CEP170: variants seen among roughly 807,000 people sequenced by gnomAD.
The protein encoded by CEP170 is centrosomal protein 170, also known as centrosomal protein of 170 kDa.
In CEP170, 21 loss-of-function variants were observed where a neutral mutation model predicts 151.9. That is an observed-to-expected ratio of 0.14 (90% CI 0.10 to 0.20). The LOEUF (loss-of-function observed/expected upper bound fraction) is 0.20, where lower values mean the gene tolerates loss of function less well. CEP170 is among the 10% of genes least tolerant of loss of function. The probability of loss-of-function intolerance (pLI) is 1.00; values close to 1 mark genes in which losing one functional copy is unlikely to be tolerated. For missense variants in CEP170, 964 were observed against 1,892.9 expected (o/e 0.51, Z 9.11); for synonymous variants, 356 against 648.8 (o/e 0.55, Z 6.86).
chr1:243,245,861 C>T (rs12749011), intron 1 of CEP170, among the ~76,000 whole-genome samples: 47,525 of 151,600 alleles, frequency 0.31, 7,760 homozygotes, highest in South Asian at 0.54. Context: ...GGAGAGGATC[C>T]CTTGAGCCCA....
chr1:243,178,063 C>T (rs1487843594), intron 10 of CEP170, among the ~76,000 whole-genome samples: 3 of 151,954 alleles, frequency 2.0e-5, no homozygotes, highest in African/African-American at 7.3e-5. Flanking sequence ...AGTGGTGGCT[C>T]GTGCCTGTAA....
chr1:243,144,899 C>G (rs2056285584), intron 14 of CEP170, among the ~76,000 whole-genome samples: 1 of 152,062 alleles, frequency 6.6e-6, no homozygotes, highest in African/African-American at 2.4e-5. Flanking sequence ...TATGTTTTCC[C>G]AAGTGTCAGA....
At chr1:243,167,144 T>C (rs963210441) in intron 12 of CEP170, among the ~76,000 whole-genome samples, 2 of 152,136 alleles carry the variant, frequency 1.3e-5, no homozygotes, top group African/African-American at 4.8e-5. Flanking sequence ...TTATTTTCTA[T>C]ATTTTCAACT....
rs182455379 is a variant in CEP170 at position 243,166,434 on chromosome 1, C to G, written c.1844-318G>C. 1.6e-5 allele frequency: 4 copies of G among 254,676 alleles called. No homozygotes were observed. In the Admixed American group the frequency reaches 1.9e-4, roughly 12 times the overall value. 15.8% of individuals were successfully genotyped at this position (254,676 alleles called of 1,614,324 possible). On this transcript the variant is annotated intron_variant, in intron 12 of 19. Coordinates refer to ENST00000366542, the MANE Select transcript of CEP170 (RefSeq NM_014812.3). The stretch of plus-strand genomic sequence containing the variant: ...AGTACAAAAAAATAAAGACTACACA[C>G]GTTCAGTGGGGACGCAATCATTTCT...
Position 243,125,386 on chromosome 1 carries a change from G to A in CEP170, c.*1063C>T, listed in dbSNP as rs892349770. ...CAGCATTTACTATTGAGTCCTACAG[G>A]GAAACACACAGAAGCAATTCATTGC... On this transcript the variant is annotated 3_prime_UTR_variant, in exon 20 of 20. Coordinates refer to ENST00000366542, the MANE Select transcript of CEP170 (RefSeq NM_014812.3). 6.6e-6 allele frequency: 1 copy of A among 152,568 alleles called. No homozygotes were observed. Among genetic ancestry groups the A allele is most frequent in the African/African-American group, 2.4e-5 (1 of 41,406 alleles). 9.5% of individuals were successfully genotyped at this position (152,568 alleles called of 1,614,324 possible).
intron 1 of CEP170, among the ~76,000 whole-genome samples, chr1:243,251,645 C>A (rs1350612111): frequency 6.6e-6 from 1 of 152,124 alleles, no homozygotes; most frequent in Non-Finnish European, 1.5e-5. Flanking sequence ...GTAATATTTT[C>A]TATATCATTT....
At chr1:243,212,059 C>T (rs1262768977) in intron 3 of CEP170, 95 bp from the exon 4 acceptor site, 24 of 1,209,792 alleles carry the variant, frequency 2.0e-5, no homozygotes, top group Non-Finnish European at 2.5e-5. Context: ...GTTAAAAGCA[C>T]ATATCATACG....
chr1:243,209,437 T>C (rs1267999310), intron 4 of CEP170, among the ~76,000 whole-genome samples: 3 of 152,112 alleles, frequency 2.0e-5, no homozygotes, highest in Admixed American at 6.5e-5. Context: ...TCTGCCCACT[T>C]TGGCCTCCCA....
chr1:243,189,974 C>G (rs1331222779), intron 8 of CEP170, among the ~76,000 whole-genome samples: 1 of 152,092 alleles, frequency 6.6e-6, no homozygotes, highest in Non-Finnish European at 1.5e-5. Flanking sequence ...ATCACATCAT[C>G]TCACTGTCCG....
chr1:243,239,714 C>T (rs2064630242), intron 1 of CEP170, among the ~76,000 whole-genome samples: 1 of 152,180 alleles, frequency 6.6e-6, no homozygotes, highest in African/African-American at 2.4e-5. Flanking sequence ...GAATTCCCAG[C>T]CTCTCAATTC....
At chr1:243,230,524 G>GA (rs943920724) in intron 1 of CEP170, among the ~76,000 whole-genome samples, 1 of 152,010 alleles carries the variant, frequency 6.6e-6, no homozygotes, top group Admixed American at 6.6e-5. Flanking sequence ...AACAGTGTAT[G>GA]AAAAAAATGA....
At chr1:243,206,699 C>A (rs1397480649) in intron 4 of CEP170, among the ~76,000 whole-genome samples, 2 of 152,022 alleles carry the variant, frequency 1.3e-5, no homozygotes, top group African/African-American at 4.8e-5. Context: ...ATTATTTAAA[C>A]CTCTTTAAAT....
At chr1:243,128,157 A>G in intron 19 of CEP170, 92 bp downstream of exon 19, 1 of 1,199,852 alleles carries the variant, frequency 8.3e-7, no homozygotes, top group Non-Finnish European at 1.1e-6. Context: ...ATTTAATCAA[A>G]TAACATCCTA....
chr1:243,184,875 G>A (rs990995932), intron 10 of CEP170, among the ~76,000 whole-genome samples: 1 of 152,024 alleles, frequency 6.6e-6, no homozygotes. Flanking sequence ...GGATGGGCCT[G>A]AGAAGCTGCA....
intron 19 of CEP170, among the ~76,000 whole-genome samples, chr1:243,127,402 G>C (rs1460019282): frequency 6.6e-6 from 1 of 152,094 alleles, no homozygotes; most frequent in Non-Finnish European, 1.5e-5. Flanking sequence ...GTTCTCAGGC[G>C]GTGATTTTCA....
intron 14 of CEP170, among the ~76,000 whole-genome samples, chr1:243,155,852 C>T (rs1244628597): frequency 6.6e-6 from 1 of 152,034 alleles, no homozygotes; most frequent in East Asian, 1.9e-4. Flanking sequence ...ACTATTACAT[C>T]TTTGGAAGTT....
intron 1 of CEP170, among the ~76,000 whole-genome samples, chr1:243,243,501 T>TATTG (rs754308442): frequency 2.0e-5 from 1 of 49,610 alleles, no homozygotes; most frequent in African/African-American, 5.8e-5. Context: ...CATTCTGATT[T>TATTG]ATTTATTTAT....
Position 243,200,922 on chromosome 1 carries a change from A to G in CEP170, c.275-87T>C, listed in dbSNP as rs547422308. Reference sequence around the variant, plus strand: ...TCAAATGTAATTTAGAAATTGTTCTATTTCAACAGGTAACTACAGCAGAAT... The same window carrying G: ...TCAAATGTAATTTAGAAATTGTTCTGTTTCAACAGGTAACTACAGCAGAAT... On this transcript the variant is annotated intron_variant, in intron 4 of 19. Transcript: ENST00000366542. 6.9e-6 allele frequency: 10 copies of G among 1,446,192 alleles called. No individual in the cohort carries two copies. The South Asian group carries it at 1.2e-4, about 17-fold the overall frequency. The allele number at this position is 1,446,192 out of a possible 1,614,324, so 89.6% of individuals were successfully genotyped here. A position where few individuals can be genotyped will look rare whatever the true frequency, so the allele number is the denominator to read the frequency against.
chr1:243,136,751 G>C (rs1045536933), intron 16 of CEP170, among the ~76,000 whole-genome samples: 3 of 152,108 alleles, frequency 2.0e-5, no homozygotes, highest in African/African-American at 7.2e-5. Flanking sequence ...CTCCAGTTGA[G>C]ATGCGTGGGC....
Sources: gnomAD v4.1 joint callset for allele counts (sites outside exome capture counted in the v4.1 genomes callset) on GRCh38, gnomAD v4.1.1 for gene constraint, MANE v1.5 for transcripts, NCBI Gene and HGNC (gene_info 2026-07-23, HGNC 2026-07-21) for gene names.